The following S100A8 variants were observed in gnomAD, a reference collection of about 807,000 sequenced individuals.
S100A8 encodes protein S100-A8.
A neutral mutation model predicts 4.2 loss-of-function variants in S100A8; 1 was observed. The observed-to-expected ratio is 0.24, with a 90% CI of 0.08 to 1.12. The LOEUF is 1.12. S100A8 is among the 50% of genes most tolerant of loss of function. The pLI is 0.53. For missense variants in S100A8, 96 were observed against 111.8 expected (o/e 0.86, Z 0.64); for synonymous variants, 41 against 44.7 (o/e 0.92, Z 0.33).
the S100A8 span, chr1:153,419,273 C>G: frequency 2.5e-6 from 4 of 1,614,154 alleles, no homozygotes; most frequent in South Asian, 3.3e-5. Flanking sequence ...ACAAGCAGAG[C>G]CATGGAGCGG....
At chr1:153,418,181 G>A in the S100A8 span, 2 of 1,614,060 alleles carry the variant, frequency 1.2e-6, no homozygotes, top group Non-Finnish European at 1.7e-6. Flanking sequence ...CAAGCCTGCT[G>A]ACGATGATGA....
chr1:153,390,313 G>A, intron 2 of S100A8, 70 bp from the exon 3 acceptor site: 13 of 1,601,684 alleles, frequency 8.1e-6, no homozygotes, highest in Middle Eastern at 1.7e-4. Context: ...AGCCATCTAT[G>A]AAGGGTGGCA....
chr1:153,414,905 C>T, the S100A8 span, among the ~76,000 whole-genome samples: 835 of 152,306 alleles, frequency 5.5e-3, 6 homozygotes, highest in Middle Eastern at 0.041. Context: ...GAAATGTCTC[C>T]TCCTTCACCC....
chr1:153,406,277 T>C, the S100A8 span, among the ~76,000 whole-genome samples: 1 of 152,164 alleles, frequency 6.6e-6, no homozygotes, highest in Non-Finnish European at 1.5e-5. Context: ...AAGACATGGC[T>C]GGGCGGCAGC....
At chr1:153,418,093 C>T in the S100A8 span, 1 of 1,614,152 alleles carries the variant, frequency 6.2e-7, no homozygotes, top group South Asian at 1.1e-5. Flanking sequence ...ATGAGCAACA[C>T]TCAAGCTGAG....
chr1:153,398,088 A>C, the S100A8 span, among the ~76,000 whole-genome samples: 111 of 152,184 alleles, frequency 7.3e-4, no homozygotes, highest in Non-Finnish European at 1.3e-3. Context: ...GAAGTGACTG[A>C]AGAAGAGCCT....
At chr1:153,407,651 G>A in the S100A8 span, among the ~76,000 whole-genome samples, 1 of 152,218 alleles carries the variant, frequency 6.6e-6, no homozygotes, top group Non-Finnish European at 1.5e-5. Flanking sequence ...TGAGATCTGA[G>A]AACTGACAGA....
At chr1:153,421,107 C>A in the S100A8 span, 1 of 152,176 alleles carries the variant, frequency 6.6e-6, no homozygotes, top group Non-Finnish European at 1.5e-5. Flanking sequence ...CGCAACATAC[C>A]CCCCATCAAT....
the S100A8 span, among the ~76,000 whole-genome samples, chr1:153,402,451 G>A: frequency 6.6e-6 from 1 of 152,294 alleles, no homozygotes; most frequent in South Asian, 2.1e-4. Context: ...GGAAAGAGCT[G>A]GAACAGAGGT....
the S100A8 span, chr1:153,419,530 T>G: frequency 1.9e-3 from 1,108 of 589,606 alleles, 10 homozygotes; most frequent in African/African-American, 7.4e-3. Flanking sequence ...GCAGAGCTGA[T>G]CTGCCTCTCA....
the S100A8 span, among the ~76,000 whole-genome samples, chr1:153,408,369 G>T: frequency 2.0e-5 from 3 of 152,196 alleles, no homozygotes; most frequent in African/African-American, 7.2e-5. Flanking sequence ...CAGGAAGAAA[G>T]GGTAGCAGTG....
chr1:153,416,667 T>A, the S100A8 span: 2 of 333,778 alleles, frequency 6.0e-6, no homozygotes, highest in Non-Finnish European at 1.2e-5. Context: ...CTCAGAAGCC[T>A]GGGTCTAGGC....
chr1:153,406,282 G>A, the S100A8 span, among the ~76,000 whole-genome samples: 1 of 152,168 alleles, frequency 6.6e-6, no homozygotes, highest in Non-Finnish European at 1.5e-5. Context: ...ATGGCTGGGC[G>A]GCAGCAAACA....
the S100A8 span, among the ~76,000 whole-genome samples, chr1:153,406,708 G>A: frequency 6.6e-6 from 1 of 152,194 alleles, no homozygotes; most frequent in Non-Finnish European, 1.5e-5. Context: ...AAACGATAGA[G>A]GAGATGAAGA....
At chr1:153,406,854 G>C in the S100A8 span, among the ~76,000 whole-genome samples, 2 of 152,178 alleles carry the variant, frequency 1.3e-5, no homozygotes, top group Non-Finnish European at 2.9e-5. Context: ...ATGACACAGG[G>C]GAAAGGCTCA....
chr1:153,404,510 T>C, the S100A8 span, among the ~76,000 whole-genome samples: 21,822 of 152,114 alleles, frequency 0.14, 1,772 homozygotes, highest in African/African-American at 0.23. Flanking sequence ...TTCAGGAGAT[T>C]CCAAGGATTT....
chr1:153,417,966 A>G, the S100A8 span: 1 of 1,428,708 alleles, frequency 7.0e-7, no homozygotes, highest in Non-Finnish European at 9.5e-7. Context: ...GCTCCATCTT[A>G]GGGCTGTTTT....
the S100A8 span, among the ~76,000 whole-genome samples, chr1:153,404,186 G>A: frequency 3.9e-5 from 6 of 152,288 alleles, no homozygotes; most frequent in East Asian, 1.2e-3. Context: ...CACCCTTCCG[G>A]CACCCCACCT....
the S100A8 span, among the ~76,000 whole-genome samples, chr1:153,399,150 A>G: frequency 1.3e-5 from 2 of 152,068 alleles, no homozygotes; most frequent in Non-Finnish European, 2.9e-5. Flanking sequence ...AGATTCCCCA[A>G]CGCTCAGGCA....
Sources: allele counts gnomAD v4.1 joint callset (sites outside exome capture counted in the v4.1 genomes callset), GRCh38; gene constraint gnomAD v4.1.1; transcripts MANE v1.5; gene names NCBI Gene and HGNC (gene_info 2026-07-23, HGNC 2026-07-21).